HTT: variants seen among roughly 807,000 people sequenced by gnomAD.
HTT encodes the protein huntington disease protein.
HTT carries 104 observed loss-of-function variants against 362.3 expected under a neutral mutation model. That is an observed-to-expected ratio of 0.29 (90% CI 0.24 to 0.34). The LOEUF (loss-of-function observed/expected upper bound fraction) is 0.34, where lower values mean the gene tolerates loss of function less well. Among genes scored for constraint, HTT ranks in the 10% least tolerant of loss-of-function variants. HTT has a pLI of 1.00. For synonymous variants in HTT, 1,577 were observed against 1,548.7 expected (o/e 1.02, Z -0.43); for missense variants, 3,301 against 3,928.6 (o/e 0.84, Z 4.27).
rs553843741 is a variant in HTT, at chr4:3,085,106, A to G, written c.264-1833A>G. 1.3e-5 allele frequency among the ~76,000 whole-genome samples: 2 copies of G among 151,512 alleles called. 1 individual carries two copies. The highest frequency in any genetic ancestry group is 1.3e-4 in the Admixed American group (2 of 15,220). The stretch of plus-strand genomic sequence containing the variant: ...CTTGTGTGCCCGTGCAGATTGCTTG[A>G]TTACACAATTAGAGGAGGCTGGCGG... On this transcript the variant is annotated intron_variant, in intron 1 of 66. Coordinates refer to ENST00000355072, the MANE Select transcript of HTT (RefSeq NM_001388492.1).
At chr4:3,202,878 T>A (rs1034343562) in intron 41 of HTT, 1 of 152,120 alleles carries the variant, frequency 6.6e-6, no homozygotes, top group Admixed American at 6.6e-5. Flanking sequence ...TACAATCACG[T>A]CCCTGTAGTT....
At chr4:3,115,543 G>GTGCCAAATAGCCTGGTCTA in intron 7 of HTT, 98 bp downstream of exon 7, 1 of 984,328 alleles carries the variant, frequency 1.0e-6, no homozygotes, top group Non-Finnish European at 1.5e-6. Context: ...TTCTAGACCA[G>GTGCCAAATAGCCTGGTCTA]GCTATTTGGC....
chr4:3,106,954 TC>T (rs1237991503), intron 5 of HTT, among the ~76,000 whole-genome samples: 2 of 152,268 alleles, frequency 1.3e-5, no homozygotes, highest in Non-Finnish European at 2.9e-5. Flanking sequence ...AAAGCTTTAT[TC>T]CCATTTAAAA....
chr4:3,116,176 G>A lies in HTT; in HGVS notation c.981G>A (p.Gln327=). The part of the protein sequence containing the change: ...TLRYLVPLLQ[Q]QVKDTSLKGS... The stretch of plus-strand genomic sequence containing the variant: ...GGTATTTGGTGCCCTTGCTGCAGCA[G>A]CAGGTCAAGGACACAAGCCTGAAAG... Residue 327 remains glutamine, a synonymous_variant, in exon 8 of 67, where the codon CAG becomes CAA. Transcript: ENST00000355072. 1.2e-6 allele frequency: 2 copies of A among 1,613,994 alleles called. No homozygotes were observed. Among genetic ancestry groups the A allele is most frequent in the Non-Finnish European group, 1.7e-6 (2 of 1,179,866 alleles).
chr4:3,169,000 G>A (rs910336036), intron 29 of HTT, among the ~76,000 whole-genome samples: 7 of 140,276 alleles, frequency 5.0e-5, no homozygotes, highest in African/African-American at 2.1e-4. Context: ...AAAATTTTAG[G>A]CCATTCTTTC....
intron 46 of HTT, 45 bp downstream of exon 46, chr4:3,208,956 G>C: frequency 3.8e-6 from 6 of 1,571,146 alleles, no homozygotes; most frequent in Non-Finnish European, 5.2e-6. Context: ...GGCGCTGAGT[G>C]CCTCTGTCAC....
chr4:3,127,054 A>G (rs1439814226), intron 11 of HTT, among the ~76,000 whole-genome samples: 1 of 152,228 alleles, frequency 6.6e-6, no homozygotes, highest in Non-Finnish European at 1.5e-5. Context: ...CCTTCTGATA[A>G]GCCTTATTTT....
At chr4:3,166,657 C>A (rs1226918550) in intron 29 of HTT, among the ~76,000 whole-genome samples, 1 of 152,260 alleles carries the variant, frequency 6.6e-6, no homozygotes, top group Non-Finnish European at 1.5e-5. Context: ...GGACACCCCT[C>A]CCCCAGCCAA....
rs1281749518 is a variant in HTT, at chr4:3,074,873, C to T, written c.48C>T (p.Ser16=). ...KLMKAFESLK[S]FQQQQQQQQQ... ...TGAAGGCCTTCGAGTCCCTCAAGTC[C>T]TTCCAGCAGCAGCAGCAGCAGCAGC... The change falls in exon 1 of 67, where the codon TCC becomes TCT. Residue 16 remains serine (S), a synonymous_variant. Coordinates refer to ENST00000355072, the MANE Select transcript of HTT (RefSeq NM_001388492.1). 2.9e-6 allele frequency: 4 copies of T among 1,360,420 alleles called. No individual in the cohort carries two copies. Among genetic ancestry groups the T allele is most frequent in the Admixed American group, 2.4e-5 (1 of 41,456 alleles). 84.3% of individuals were successfully genotyped at this position (1,360,420 alleles called of 1,614,324 possible).
intron 2 of HTT, among the ~76,000 whole-genome samples, chr4:3,089,537 G>A (rs1346636147): frequency 6.6e-5 from 10 of 152,208 alleles, no homozygotes; most frequent in Non-Finnish European, 1.5e-5. Context: ...ACAGGCGTGA[G>A]CCACTGCCCC....
rs528349764 is a variant in HTT, at chr4:3,153,579, A to G, written c.3499-714A>G. The stretch of plus-strand genomic sequence containing the variant: ...CTGGTAACCAGCTGTGACCTTGAAT[A>G]AGTTACTTCATCTCTGAGCCTGTTT... On this transcript the variant is annotated intron_variant, in intron 26 of 66. Transcript: ENST00000355072. 2.6e-5 allele frequency among the ~76,000 whole-genome samples: 4 copies of G among 152,288 alleles called. No homozygotes were observed. The East Asian group carries it at 7.7e-4, about 29-fold the overall frequency.
At chr4:3,167,118 C>T (rs1277829557) in intron 29 of HTT, among the ~76,000 whole-genome samples, 2 of 152,234 alleles carry the variant, frequency 1.3e-5, no homozygotes, top group African/African-American at 4.8e-5. Flanking sequence ...GTCGCCCAGG[C>T]TGACGTGCAT....
chr4:3,091,242 A>G (rs903923063), intron 2 of HTT, among the ~76,000 whole-genome samples: 2 of 152,366 alleles, frequency 1.3e-5, no homozygotes, highest in East Asian at 1.9e-4. Flanking sequence ...GTGTATCTGT[A>G]TGAATTTATG....
chr4:3,153,866 A>C (rs1717018808), intron 26 of HTT, among the ~76,000 whole-genome samples: 3 of 152,088 alleles, frequency 2.0e-5, no homozygotes, highest in Admixed American at 1.3e-4. Flanking sequence ...TGAGGCTACA[A>C]TGAAATATGA....
At position 3,174,943 on chromosome 4, in the gene HTT, T is replaced by C. The variant is rs751664902; in HGVS notation, c.4246-3T>C. 6.4e-7 allele frequency: 1 copy of C among 1,573,128 alleles called. No homozygotes were observed. The highest frequency in any genetic ancestry group is 8.7e-7 in the Non-Finnish European group (1 of 1,155,998). ...TCTTTCTTTCTTTTTTTCTTTTTTA[T>C]AGAATGCTATTCATAATCACATTCG... On this transcript the variant is annotated splice_region_variant and splice_polypyrimidine_tract_variant and intron_variant, in intron 32 of 66. Coordinates refer to ENST00000355072, the MANE Select transcript of HTT (RefSeq NM_001388492.1).
chr4:3,094,938 G>A (rs1713760696), intron 2 of HTT, among the ~76,000 whole-genome samples: 2 of 151,806 alleles, frequency 1.3e-5, no homozygotes, highest in African/African-American at 4.8e-5. Flanking sequence ...GGGGCGGCGG[G>A]GCAGAGGTGC....
chr4:3,106,184 C>T (rs1015273984), intron 5 of HTT, among the ~76,000 whole-genome samples: 1 of 152,038 alleles, frequency 6.6e-6, no homozygotes, highest in Non-Finnish European at 1.5e-5. Flanking sequence ...GGTGAAACGC[C>T]GCCTCTACAA....
At position 3,132,834 on chromosome 4, in the gene HTT, G is replaced by T. The variant is rs374344267; in HGVS notation, c.2416G>T (p.Asp806Tyr). The T allele has an allele frequency of 1.2e-6, 2 of 1,614,002 alleles. No individual in the cohort carries two copies. The highest frequency in any genetic ancestry group is 1.7e-6 in the Non-Finnish European group (2 of 1,179,972). The part of the protein sequence containing the change: ...TLTGNTFSLA[D>Y]CIPLLRKTLK... Reference sequence around the variant, plus strand: ...GTTAGGAAATACATTTTCTTTGGCGGATTGCATTCCTTTGCTGCGGAAAAC... The same window carrying T: ...GTTAGGAAATACATTTTCTTTGGCGTATTGCATTCCTTTGCTGCGGAAAAC... The change falls in exon 18 of 67, where the codon GAT becomes TAT. Residue 806 changes from aspartate (D) to tyrosine (Y), a missense_variant. Asp to Tyr is a radical substitution (Grantham distance 160). Transcript: ENST00000355072.
chr4:3,235,434 G>T, intron 62 of HTT, 36 bp downstream of exon 62: 1 of 1,512,424 alleles, frequency 6.6e-7, no homozygotes. Context: ...CTGCACACGG[G>T]GAGTGGGCTT....
Sources: allele counts gnomAD v4.1 joint callset (sites outside exome capture counted in the v4.1 genomes callset), GRCh38; gene constraint gnomAD v4.1.1; transcripts MANE v1.5; gene names NCBI Gene and HGNC (gene_info 2026-07-23, HGNC 2026-07-21).